The following ZFAND3 variants were observed in gnomAD, a reference collection of about 807,000 sequenced individuals.
ZFAND3 encodes the protein AN1-type zinc finger protein 3.
A neutral mutation model predicts 29.6 loss-of-function variants in ZFAND3; 10 were observed. That is an observed-to-expected ratio of 0.34 (90% CI 0.21 to 0.57). The LOEUF (loss-of-function observed/expected upper bound fraction) is 0.57, where lower values mean the gene tolerates loss of function less well. ZFAND3 is among the 20% of genes least tolerant of loss of function. ZFAND3 has a pLI of 0.86. For missense variants in ZFAND3, 230 were observed against 304.5 expected (o/e 0.76, Z 1.82); for synonymous variants, 128 against 112.6 (o/e 1.14, Z -0.87).
intron 1 of ZFAND3, among the ~76,000 whole-genome samples, chr6:37,913,835 C>T (rs1317659928): frequency 3.3e-5 from 5 of 151,662 alleles, no homozygotes; most frequent in East Asian, 1.9e-4. Context: ...CTCAGCCTCC[C>T]GAATAGCTGG....
chr6:37,957,245 C>T (rs1030123376), intron 2 of ZFAND3, among the ~76,000 whole-genome samples: 3 of 152,128 alleles, frequency 2.0e-5, no homozygotes, highest in South Asian at 4.1e-4. Flanking sequence ...CTATAACTTG[C>T]CAATTCTAGT....
intron 4 of ZFAND3, among the ~76,000 whole-genome samples, chr6:38,109,832 G>A (rs542597749): frequency 4.6e-5 from 7 of 152,226 alleles, no homozygotes; most frequent in African/African-American, 9.6e-5. Flanking sequence ...CAGCTTCTGC[G>A]TTGCTATCCG....
Position 38,132,476 on chromosome 6 carries a change from C to T in ZFAND3, c.529+15737C>T, listed in dbSNP as rs542041517. 1.2e-3 allele frequency among the ~76,000 whole-genome samples: 188 copies of T among 152,338 alleles called. 1 individual carries two copies. Among genetic ancestry groups the T allele is most frequent in the African/African-American group, 1.6e-3 (67 of 41,576 alleles). The stretch of plus-strand genomic sequence containing the variant: ...GAGCTGTGATCATGTCCCTGCACTC[C>T]AGCCAGGGTAACAGAGTGAGACCCT... On this transcript the variant is annotated intron_variant, in intron 5 of 5. Transcript: ENST00000287218.
At chr6:38,010,816 G>T (rs1193238195) in intron 2 of ZFAND3, among the ~76,000 whole-genome samples, 1 of 151,400 alleles carries the variant, frequency 6.6e-6, no homozygotes, top group African/African-American at 2.4e-5. Context: ...GGCCAGGTTG[G>T]TCTCAAACTC....
chr6:37,875,847 T>TA lies in ZFAND3; in HGVS notation c.72-54111dup, dbSNP rs1381161132. ...TTAATTTTTGATTTTTTTTTTTTTT[T>TA]ATTGGTAAAGATGAAATCTTACTAT... is the stretch of plus-strand genomic sequence containing the variant. On this transcript the variant is annotated intron_variant, in intron 1 of 5. Transcript: ENST00000287218. 1.3e-5 allele frequency among the ~76,000 whole-genome samples: 2 copies of TA among 151,438 alleles called. 1 individual carries two copies. Among genetic ancestry groups the TA allele is most frequent in the South Asian group, 4.1e-4 (2 of 4,820 alleles).
intron 5 of ZFAND3, chr6:38,143,091 C>T (rs1048965720): frequency 4.6e-5 from 7 of 152,200 alleles, no homozygotes; most frequent in Admixed American, 4.6e-4. Context: ...AAAGAGTAAG[C>T]GATGGAAGGT....
chr6:38,084,751 T>A (rs1764726524), intron 4 of ZFAND3, among the ~76,000 whole-genome samples: 1 of 152,206 alleles, frequency 6.6e-6, no homozygotes, highest in African/African-American at 2.4e-5. Context: ...ACCTACCTCT[T>A]AACTAGAAAA....
chr6:38,077,564 A>G (rs1764579320), intron 3 of ZFAND3, among the ~76,000 whole-genome samples: 1 of 152,214 alleles, frequency 6.6e-6, no homozygotes, highest in South Asian at 2.1e-4. Context: ...GCTTCTGGCA[A>G]TGTTTAGCTG....
At chr6:37,933,302 T>G (rs909447666) in intron 2 of ZFAND3, among the ~76,000 whole-genome samples, 2 of 152,254 alleles carry the variant, frequency 1.3e-5, no homozygotes, top group Non-Finnish European at 1.5e-5. Context: ...ATAACTTGTT[T>G]ACATAAAATT....
chr6:37,970,469 A>G (rs1024247021), intron 2 of ZFAND3, among the ~76,000 whole-genome samples: 9 of 152,188 alleles, frequency 5.9e-5, no homozygotes, highest in Non-Finnish European at 1.2e-4. Context: ...TATTGACAGA[A>G]TTTGGTTCTG....
chr6:38,119,814 G>C (rs962081442), intron 5 of ZFAND3, among the ~76,000 whole-genome samples: 1 of 152,202 alleles, frequency 6.6e-6, no homozygotes, highest in African/African-American at 2.4e-5. Flanking sequence ...ATCTTCAAAA[G>C]AGCAATTTGT....
chr6:38,053,926 G>T (rs1206968602), intron 2 of ZFAND3, among the ~76,000 whole-genome samples: 1 of 151,638 alleles, frequency 6.6e-6, no homozygotes, highest in Non-Finnish European at 1.5e-5. Flanking sequence ...ATGGGAGGAA[G>T]GGCAGAAGAC....
chr6:38,013,820 T>C (rs953087265), intron 2 of ZFAND3, among the ~76,000 whole-genome samples: 1 of 152,208 alleles, frequency 6.6e-6, no homozygotes, highest in Non-Finnish European at 1.5e-5. Context: ...ATCAGTATTT[T>C]TAAAAAAGAC....
intron 4 of ZFAND3, among the ~76,000 whole-genome samples, chr6:38,098,907 TG>T (rs1765037658): frequency 6.6e-6 from 1 of 152,184 alleles, no homozygotes; most frequent in South Asian, 2.1e-4. Context: ...TTTTGTTTTT[TG>T]TTTTTGTTTT....
chr6:38,112,117 T>A (rs1181210980), intron 4 of ZFAND3, among the ~76,000 whole-genome samples: 5 of 152,216 alleles, frequency 3.3e-5, no homozygotes, highest in Non-Finnish European at 5.9e-5. Flanking sequence ...TGATTCTTGA[T>A]CAGACTTTCC....
chr6:38,087,872 A>G (rs1764788162), intron 4 of ZFAND3, among the ~76,000 whole-genome samples: 2 of 152,246 alleles, frequency 1.3e-5, no homozygotes. Context: ...CTGAAGTGGT[A>G]TCTGCACTCC....
chr6:37,963,831 A>C (rs1027335382), intron 2 of ZFAND3, among the ~76,000 whole-genome samples: 1 of 152,194 alleles, frequency 6.6e-6, no homozygotes, highest in East Asian at 1.9e-4. Flanking sequence ...TATTGGATAT[A>C]GTACTCTCTC....
chr6:38,095,664 A>G (rs149638997), intron 4 of ZFAND3, among the ~76,000 whole-genome samples: 5 of 152,302 alleles, frequency 3.3e-5, no homozygotes, highest in Non-Finnish European at 7.4e-5. Flanking sequence ...GCAGTGTTAG[A>G]GTTCCTGCAT....
At chr6:38,065,846 A>T (rs939129885) in intron 3 of ZFAND3, among the ~76,000 whole-genome samples, 1 of 152,222 alleles carries the variant, frequency 6.6e-6, no homozygotes, top group African/African-American at 2.4e-5. Context: ...ACTATTTAAT[A>T]AACTGTTTCA....
Sources: gnomAD v4.1 joint callset for allele counts (sites outside exome capture counted in the v4.1 genomes callset) on GRCh38, gnomAD v4.1.1 for gene constraint, MANE v1.5 for transcripts, NCBI Gene and HGNC (gene_info 2026-07-23, HGNC 2026-07-21) for gene names.